ZNRF1: variants seen among roughly 807,000 people sequenced by gnomAD.
ZNRF1 encodes the protein zinc and ring finger 1, also known as E3 ubiquitin-protein ligase ZNRF1.
ZNRF1 carries 3 observed loss-of-function variants against 18.4 expected under a neutral mutation model. The observed-to-expected ratio is 0.16, with a 90% CI of 0.07 to 0.42. The LOEUF (loss-of-function observed/expected upper bound fraction) is 0.42. Ranked by LOEUF, ZNRF1 falls within the 10% of genes least tolerant of loss-of-function variation. ZNRF1 has a pLI of 0.99. For synonymous variants in ZNRF1, 157 were observed against 144.2 expected (o/e 1.09, Z -0.64); for missense variants, 310 against 329.8 (o/e 0.94, Z 0.47).
intron 1 of ZNRF1, among the ~76,000 whole-genome samples, chr16:75,078,658 A>G (rs1368307564): frequency 2.0e-5 from 3 of 152,202 alleles, no homozygotes; most frequent in African/African-American, 7.2e-5. Flanking sequence ...TATTCTGGGA[A>G]GTTGAAGTGC....
At chr16:75,079,820 G>A (rs1276819130) in intron 1 of ZNRF1, among the ~76,000 whole-genome samples, 2 of 152,244 alleles carry the variant, frequency 1.3e-5, no homozygotes, top group East Asian at 3.8e-4. Flanking sequence ...CTGATGACAG[G>A]GTACCAGGAC....
rs996384304 is a variant in ZNRF1, at chr16:75,041,841, A to G, written c.424+41746A>G. Among the ~76,000 whole-genome samples the G allele has an allele frequency of 7.3e-5, 11 of 151,316 alleles. No homozygotes were observed. The East Asian group carries it at 2.1e-3, about 29-fold the overall frequency. On this transcript the variant is annotated intron_variant, in intron 1 of 4. Coordinates refer to ENST00000335325, the MANE Select transcript of ZNRF1 (RefSeq NM_032268.5). ...CTACTAAAAAAAAAAATATATATATATAAAATTAGCTGGGCATGGTGGCAG... is the reference window on the plus strand; with the variant it reads ...CTACTAAAAAAAAAAATATATATATGTAAAATTAGCTGGGCATGGTGGCAG...
chr16:75,023,039 A>G (rs1273132397), intron 1 of ZNRF1, among the ~76,000 whole-genome samples: 1 of 152,162 alleles, frequency 6.6e-6, no homozygotes, highest in Non-Finnish European at 1.5e-5. Context: ...GGAACCCCCA[A>G]TGTTGAATAC....
At chr16:75,029,919 G>A (rs2035278363) in intron 1 of ZNRF1, among the ~76,000 whole-genome samples, 1 of 151,874 alleles carries the variant, frequency 6.6e-6, no homozygotes, top group Non-Finnish European at 1.5e-5. Context: ...TTAGCCAGGT[G>A]TTGTGTTGTG....
Position 75,108,638 on chromosome 16 carries a change from C to A in ZNRF1, c.*938C>A. On this transcript the variant is annotated 3_prime_UTR_variant, in exon 5 of 5. Transcript: ENST00000335325. ...CTTATAAAATGTTTAAAAAAATGTT[C>A]AAAGCTTGGGAGAAAAGCTTTCTTC... is the stretch of plus-strand genomic sequence containing the variant. 1 of 398,716 alleles carries A rather than the reference C, an allele frequency of 2.5e-6. No individual in the cohort carries two copies. The highest frequency in any genetic ancestry group is 1.3e-4 in the South Asian group (1 of 7,804). The allele number at this position is 398,716 out of a possible 1,614,324, so 24.7% of individuals were successfully genotyped here.
At position 75,003,767 on chromosome 16, in the gene ZNRF1, C is replaced by T. The variant is rs148342731; in HGVS notation, c.424+3672C>T. Among the ~76,000 whole-genome samples the T allele has an allele frequency of 3.4e-3, 516 of 152,208 alleles. 2 individuals are homozygous for T. Among genetic ancestry groups the T allele is most frequent in the African/African-American group, 0.012 (497 of 41,518 alleles). ...TGCATGATTTGTGACCTTGGGCAAGCGAGTCATTTAACCTCAGTCACAATT... is the reference window on the plus strand; with the variant it reads ...TGCATGATTTGTGACCTTGGGCAAGTGAGTCATTTAACCTCAGTCACAATT... On this transcript the variant is annotated intron_variant, in intron 1 of 4. Transcript: ENST00000335325.
intron 1 of ZNRF1, among the ~76,000 whole-genome samples, chr16:75,051,922 A>G (rs1198429075): frequency 2.0e-5 from 3 of 152,208 alleles, no homozygotes; most frequent in East Asian, 3.8e-4. Flanking sequence ...AAAGTAAACT[A>G]TAGACATCTG....
At chr16:75,089,868 T>C (rs1464129320) in intron 1 of ZNRF1, among the ~76,000 whole-genome samples, 1 of 152,206 alleles carries the variant, frequency 6.6e-6, no homozygotes, top group Non-Finnish European at 1.5e-5. Flanking sequence ...GGAATCACGC[T>C]GGAATACAGG....
intron 1 of ZNRF1, chr16:75,000,336 G>A (rs1242151511): frequency 4.3e-6 from 3 of 696,398 alleles, no homozygotes; most frequent in Non-Finnish European, 7.8e-6. Flanking sequence ...AGGGCAGAGC[G>A]AAGCCTACCT....
intron 1 of ZNRF1, among the ~76,000 whole-genome samples, chr16:75,045,872 G>A (rs546867167): frequency 1.3e-5 from 2 of 151,228 alleles, no homozygotes; most frequent in Non-Finnish European, 3.0e-5. Flanking sequence ...ACTGTGTCCC[G>A]CTGTCATTTA....
chr16:74,999,505 C>T lies in ZNRF1; in HGVS notation c.-167C>T. ...CCCGCCCGCCCGCCTGCCTCTTCCG[C>T]CCCGCGGGTTTTTTCCTTTTTTCCT... On this transcript the variant is annotated 5_prime_UTR_variant, in exon 1 of 5. Coordinates refer to ENST00000335325, the MANE Select transcript of ZNRF1 (RefSeq NM_032268.5). 1 of 472,498 alleles carries T rather than the reference C, an allele frequency of 2.1e-6. No individual in the cohort carries two copies. The allele number at this position is 472,498 out of a possible 1,614,324, so 29.3% of individuals were successfully genotyped here.
intron 1 of ZNRF1, among the ~76,000 whole-genome samples, chr16:75,031,028 G>C (rs2035295696): frequency 6.6e-6 from 1 of 151,500 alleles, no homozygotes; most frequent in Non-Finnish European, 1.5e-5. Context: ...AGTAGAGATG[G>C]GGTTTCACCA....
At chr16:75,024,240 C>G (rs1020209081) in intron 1 of ZNRF1, among the ~76,000 whole-genome samples, 2 of 152,260 alleles carry the variant, frequency 1.3e-5, no homozygotes, top group East Asian at 1.9e-4. Flanking sequence ...ATGTGTGAGA[C>G]TAAGCCTGTT....
chr16:75,044,355 A>G (rs773784201), intron 1 of ZNRF1, among the ~76,000 whole-genome samples: 16 of 151,436 alleles, frequency 1.1e-4, no homozygotes, highest in Non-Finnish European at 2.4e-4. Flanking sequence ...AATAGCTAGG[A>G]CTATAGGCAT....
chr16:75,028,300 G>T (rs945694047), intron 1 of ZNRF1, among the ~76,000 whole-genome samples: 5 of 152,070 alleles, frequency 3.3e-5, no homozygotes, highest in African/African-American at 1.2e-4. Flanking sequence ...TTTGTTTTTT[G>T]TTTTTTGTTT....
At chr16:75,015,735 C>T (rs912383297) in intron 1 of ZNRF1, among the ~76,000 whole-genome samples, 5 of 152,126 alleles carry the variant, frequency 3.3e-5, no homozygotes, top group South Asian at 4.1e-4. Context: ...AGGTGTGCAC[C>T]GCCATATCCG....
At chr16:75,081,628 C>T (rs950760182) in intron 1 of ZNRF1, among the ~76,000 whole-genome samples, 12 of 152,130 alleles carry the variant, frequency 7.9e-5, no homozygotes, top group African/African-American at 2.7e-4. Context: ...TGTAGGTGTG[C>T]AGTGTGTCGG....
intron 1 of ZNRF1, among the ~76,000 whole-genome samples, chr16:75,051,101 T>C (rs2035596768): frequency 6.6e-6 from 1 of 150,668 alleles, no homozygotes; most frequent in South Asian, 2.1e-4. Context: ...CTCAGGAGGC[T>C]GAGGCAGTAG....
At chr16:75,057,148 T>G (rs1162058554) in intron 1 of ZNRF1, among the ~76,000 whole-genome samples, 1 of 152,218 alleles carries the variant, frequency 6.6e-6, no homozygotes, top group East Asian at 1.9e-4. Flanking sequence ...AATCAGGTAC[T>G]ACCGGGGCAT....
Sources: allele counts gnomAD v4.1 joint callset (sites outside exome capture counted in the v4.1 genomes callset), GRCh38; gene constraint gnomAD v4.1.1; transcripts MANE v1.5; gene names NCBI Gene and HGNC (gene_info 2026-07-23, HGNC 2026-07-21).